SLC31A1: variants seen among roughly 807,000 people sequenced by gnomAD.
SLC31A1 encodes the protein high affinity copper uptake protein 1.
Under a neutral mutation model 17.2 loss-of-function variants are expected in SLC31A1, and 5 were observed. The observed-to-expected ratio is 0.29, with a 90% CI of 0.15 to 0.61. The LOEUF is 0.61. Ranked by LOEUF, SLC31A1 falls within the 20% of genes least tolerant of loss-of-function variation. The probability of loss-of-function intolerance (pLI) is 0.86; values close to 1 mark genes in which losing one functional copy is unlikely to be tolerated. For synonymous variants in SLC31A1, 76 were observed against 78.8 expected, an observed-to-expected ratio of 0.96 and a Z score of 0.19; for missense variants, 161 against 241.4, an observed-to-expected ratio of 0.67 and a Z score of 2.21.
At chr9:113,245,177 T>C (rs957009124) in intron 1 of SLC31A1, among the ~76,000 whole-genome samples, 5 of 152,202 alleles carry the variant, frequency 3.3e-5, no homozygotes, top group Non-Finnish European at 7.3e-5. Context: ...AAGGATTATA[T>C]GGTTATATTC....
At chr9:113,249,298 CAA>C (rs56013452) in intron 1 of SLC31A1, among the ~76,000 whole-genome samples, 210 of 118,010 alleles carry the variant, frequency 1.8e-3, no homozygotes, top group East Asian at 0.015. Flanking sequence ...CCTCAATTGG[CAA>C]AAAAAAAAAA....
rs566490348 is a variant in SLC31A1, at chr9:113,263,125, C to T, written c.*2652C>T. 6.6e-6 allele frequency: 1 copy of T among 152,206 alleles called. No individual in the cohort carries two copies. Among genetic ancestry groups the T allele is most frequent in the African/African-American group, 2.4e-5 (1 of 41,438 alleles). 9.4% of individuals were successfully genotyped at this position (152,206 alleles called of 1,614,324 possible). A position where few individuals can be genotyped will look rare whatever the true frequency, so the allele number is the denominator to read the frequency against. On this transcript the variant is annotated 3_prime_UTR_variant, in exon 5 of 5. Coordinates refer to ENST00000374212, the MANE Select transcript of SLC31A1 (RefSeq NM_001859.4). Reference sequence around the variant, plus strand: ...AGTAAGCCATGATTGCGCCACTGCACTCAGCCCGGGTGACAAAGCAAGACC... The same window carrying T: ...AGTAAGCCATGATTGCGCCACTGCATTCAGCCCGGGTGACAAAGCAAGACC...
At chr9:113,223,388 A>G (rs1831307998) in intron 1 of SLC31A1, 2 of 339,086 alleles carry the variant, frequency 5.9e-6, no homozygotes, top group Non-Finnish European at 5.7e-6. Context: ...GATTGGTAAT[A>G]CTGGACTAGG....
chr9:113,231,963 AC>A (rs1831407525), intron 1 of SLC31A1, among the ~76,000 whole-genome samples: 1 of 152,256 alleles, frequency 6.6e-6, no homozygotes, highest in African/African-American at 2.4e-5. Context: ...ATATGGTCTA[AC>A]ATGCAGCTCA....
intron 2 of SLC31A1, chr9:113,256,556 G>T: frequency 3.0e-6 from 1 of 329,132 alleles, no homozygotes; most frequent in Non-Finnish European, 5.7e-6. Context: ...TGCCTTGGGT[G>T]GAAAAGAGAA....
intron 1 of SLC31A1, among the ~76,000 whole-genome samples, chr9:113,231,437 A>G (rs1286602820): frequency 6.6e-6 from 1 of 151,920 alleles, no homozygotes; most frequent in Non-Finnish European, 1.5e-5. Context: ...AATGGTATGT[A>G]CCTATGTTCC....
chr9:113,251,861 T>C (rs1348326470), intron 1 of SLC31A1, among the ~76,000 whole-genome samples: 1 of 152,218 alleles, frequency 6.6e-6, no homozygotes. Flanking sequence ...TGTTTGAGCC[T>C]ACAGTGTATG....
intron 1 of SLC31A1, among the ~76,000 whole-genome samples, chr9:113,245,196 A>G (rs1831563636): frequency 6.6e-6 from 1 of 152,162 alleles, no homozygotes; most frequent in Non-Finnish European, 1.5e-5. Context: ...TCATCCAATT[A>G]TGGTCACATT....
At position 113,246,377 on chromosome 9, in the gene SLC31A1, A is replaced by G. The variant is rs1445629119; in HGVS notation, c.-35-9737A>G. On this transcript the variant is annotated intron_variant, in intron 1 of 4. Transcript: ENST00000374212. ...TTTTTTTTTTCTTTTTTTGAGATGG[A>G]GTCTCGCTCTGTCACCCAGGCTGGA... Among the ~76,000 whole-genome samples the G allele has an allele frequency of 4.1e-5, 6 of 147,364 alleles. No homozygotes were observed. The East Asian group carries it at 1.2e-3, about 30-fold the overall frequency.
chr9:113,222,435 TC>T (rs200427386), intron 1 of SLC31A1, among the ~76,000 whole-genome samples: 9,084 of 152,196 alleles, frequency 0.06, 311 homozygotes, highest in African/African-American at 0.081. Context: ...CATAAGTATT[TC>T]TTTGGTTAAC....
intron 4 of SLC31A1, among the ~76,000 whole-genome samples, chr9:113,259,254 A>G (rs1024062397): frequency 6.6e-6 from 1 of 152,344 alleles, no homozygotes; most frequent in East Asian, 1.9e-4. Flanking sequence ...TTTACAATGT[A>G]AGACTGTATT....
chr9:113,254,662 G>A (rs755390483), intron 1 of SLC31A1, among the ~76,000 whole-genome samples: 2 of 152,120 alleles, frequency 1.3e-5, no homozygotes, highest in Non-Finnish European at 2.9e-5. Flanking sequence ...ACTTTGGGAG[G>A]CCGAGTTGGA....
At chr9:113,240,815 C>A (rs574058503) in intron 1 of SLC31A1, among the ~76,000 whole-genome samples, 79 of 152,044 alleles carry the variant, frequency 5.2e-4, no homozygotes, top group African/African-American at 1.9e-3. Context: ...TTTGGGAGGC[C>A]GAGGCAGGCA....
intron 1 of SLC31A1, among the ~76,000 whole-genome samples, chr9:113,246,690 G>C (rs1192018807): frequency 6.7e-6 from 1 of 149,680 alleles, no homozygotes; most frequent in Non-Finnish European, 1.5e-5. Flanking sequence ...TATTGAGAAA[G>C]AATCTTGCTC....
chr9:113,251,415 C>G (rs764698679), intron 1 of SLC31A1, among the ~76,000 whole-genome samples: 2 of 151,136 alleles, frequency 1.3e-5, no homozygotes, highest in Admixed American at 6.6e-5. Flanking sequence ...GAGTGAGACT[C>G]TATCTAAAAA....
chr9:113,251,238 C>A (rs1587994523), intron 1 of SLC31A1, among the ~76,000 whole-genome samples: 1 of 152,204 alleles, frequency 6.6e-6, no homozygotes, highest in East Asian at 1.9e-4. Context: ...GCCTTGCCAA[C>A]ATGGTGAAAC....
At chr9:113,252,999 G>C (rs1185047101) in intron 1 of SLC31A1, among the ~76,000 whole-genome samples, 2 of 138,438 alleles carry the variant, frequency 1.4e-5, no homozygotes, top group Non-Finnish European at 3.0e-5. Flanking sequence ...TGTAGCCCAA[G>C]CTGGAGTGCA....
chr9:113,232,799 G>A (rs1471847383), intron 1 of SLC31A1, among the ~76,000 whole-genome samples: 1 of 151,632 alleles, frequency 6.6e-6, no homozygotes, highest in Admixed American at 6.6e-5. Context: ...AGCCGAGATC[G>A]CACCACTGCA....
intron 1 of SLC31A1, among the ~76,000 whole-genome samples, chr9:113,245,235 T>TTTG (rs141292489): frequency 6.6e-6 from 1 of 152,106 alleles, no homozygotes; most frequent in Non-Finnish European, 1.5e-5. Flanking sequence ...TTTTGTTTTG[T>TTTG]TTGTTGTTGT....
Sources: gnomAD v4.1 joint callset for allele counts (sites outside exome capture counted in the v4.1 genomes callset) on GRCh38, gnomAD v4.1.1 for gene constraint, MANE v1.5 for transcripts, NCBI Gene and HGNC (gene_info 2026-07-23, HGNC 2026-07-21) for gene names.